BLTP3A: variants seen among roughly 807,000 people sequenced by gnomAD.
The protein encoded by BLTP3A is bridge-like lipid transfer protein family member 3A.
chr6:34,831,029 G>A, the BLTP3A span, among the ~76,000 whole-genome samples: 9,895 of 152,014 alleles, frequency 0.065, 538 homozygotes, highest in East Asian at 0.33. Flanking sequence ...TTAATTTGTA[G>A]AAGTTCTTTA....
the BLTP3A span, chr6:34,859,392 G>T: frequency 6.2e-7 from 1 of 1,614,066 alleles, no homozygotes; most frequent in Non-Finnish European, 8.5e-7. Flanking sequence ...TCCCCTTGAA[G>T]AACATTGAGG....
the BLTP3A span, among the ~76,000 whole-genome samples, chr6:34,812,154 C>T: frequency 6.6e-6 from 1 of 151,952 alleles, no homozygotes; most frequent in African/African-American, 2.4e-5. Flanking sequence ...CATGGTGAAA[C>T]CCCATGTCTA....
the BLTP3A span, among the ~76,000 whole-genome samples, chr6:34,854,372 T>G: frequency 1.3e-5 from 2 of 152,098 alleles, no homozygotes; most frequent in African/African-American, 4.8e-5. Flanking sequence ...TATACATAAA[T>G]AAAACTAAAA....
chr6:34,842,642 A>AT, the BLTP3A span, among the ~76,000 whole-genome samples: 1,331 of 149,710 alleles, frequency 8.9e-3, 17 homozygotes, highest in African/African-American at 0.029. Context: ...CAGGAGTTCT[A>AT]TTTTTTTTTT....
the BLTP3A span, among the ~76,000 whole-genome samples, chr6:34,839,022 G>A: frequency 1.1e-4 from 16 of 152,148 alleles, no homozygotes; most frequent in Admixed American, 3.9e-4. Flanking sequence ...AGGCCAAGGC[G>A]GGTGGATCAC....
At chr6:34,865,475 G>A in the BLTP3A span, among the ~76,000 whole-genome samples, 1 of 152,166 alleles carries the variant, frequency 6.6e-6, no homozygotes, top group Non-Finnish European at 1.5e-5. Context: ...CCATAACTTG[G>A]CTGTTGTGAA....
chr6:34,838,079 C>T, the BLTP3A span, among the ~76,000 whole-genome samples: 1 of 152,146 alleles, frequency 6.6e-6, no homozygotes, highest in East Asian at 1.9e-4. Context: ...CTATATTGAT[C>T]TTTTTGGTGG....
At chr6:34,856,877 G>A in the BLTP3A span, 12 of 1,614,018 alleles carry the variant, frequency 7.4e-6, no homozygotes, top group African/African-American at 5.3e-5. Context: ...GCATGGAACC[G>A]CTTACGCTCT....
the BLTP3A span, among the ~76,000 whole-genome samples, chr6:34,831,609 C>T: frequency 6.6e-6 from 1 of 152,070 alleles, no homozygotes; most frequent in Non-Finnish European, 1.5e-5. Flanking sequence ...TGGCTTTTAA[C>T]ATTTGAATCT....
At chr6:34,824,201 A>G in the BLTP3A span, among the ~76,000 whole-genome samples, 1 of 152,224 alleles carries the variant, frequency 6.6e-6, no homozygotes, top group South Asian at 2.1e-4. Flanking sequence ...TCTTTAACAG[A>G]CAAGGCCTGG....
chr6:34,840,391 T>TAAAA, the BLTP3A span, among the ~76,000 whole-genome samples: 50 of 123,536 alleles, frequency 4.0e-4, no homozygotes, highest in East Asian at 2.9e-3. Flanking sequence ...CGTCTCTACT[T>TAAAA]AAAAAAAAAA....
chr6:34,863,365 T>C, the BLTP3A span, among the ~76,000 whole-genome samples: 1 of 152,346 alleles, frequency 6.6e-6, no homozygotes, highest in African/African-American at 2.4e-5. Context: ...AAACCTATGC[T>C]TCAGCTGGGC....
chr6:34,823,269 G>A, the BLTP3A span: 1 of 1,614,070 alleles, frequency 6.2e-7, no homozygotes, highest in African/African-American at 1.3e-5. Flanking sequence ...TCTGGATAAG[G>A]TAGAGGTGGA....
At chr6:34,803,108 C>T in the BLTP3A span, among the ~76,000 whole-genome samples, 6 of 151,846 alleles carry the variant, frequency 4.0e-5, no homozygotes, top group Admixed American at 3.3e-4. Flanking sequence ...TTGCTTGAGC[C>T]GGGAGGTCAA....
chr6:34,821,006 G>C, the BLTP3A span, among the ~76,000 whole-genome samples: 1 of 149,034 alleles, frequency 6.7e-6, no homozygotes, highest in South Asian at 2.1e-4. Flanking sequence ...GCCCAGGCTG[G>C]AGTGCAATGG....
At chr6:34,868,137 T>C in the BLTP3A span, among the ~76,000 whole-genome samples, 5 of 150,998 alleles carry the variant, frequency 3.3e-5, no homozygotes, top group African/African-American at 1.2e-4. Context: ...TAAAACGCTG[T>C]CTCTACTAAA....
chr6:34,813,224 C>A, the BLTP3A span, among the ~76,000 whole-genome samples: 6 of 152,096 alleles, frequency 3.9e-5, no homozygotes, highest in Non-Finnish European at 2.9e-5. Flanking sequence ...GGGTTAAGTC[C>A]CATTTCTGTT....
the BLTP3A span, chr6:34,856,342 G>T: frequency 6.2e-7 from 1 of 1,614,190 alleles, no homozygotes; most frequent in South Asian, 1.1e-5. Context: ...TGGAGAAGTG[G>T]CATGAAGAGA....
the BLTP3A span, among the ~76,000 whole-genome samples, chr6:34,870,622 A>G: frequency 2.0e-5 from 3 of 152,328 alleles, no homozygotes; most frequent in Admixed American, 6.5e-5. Context: ...AAGGCATTAT[A>G]GCAAAGTATC....
Sources: allele counts gnomAD v4.1 joint callset (sites outside exome capture counted in the v4.1 genomes callset), GRCh38; gene constraint gnomAD v4.1.1; transcripts MANE v1.5; gene names NCBI Gene and HGNC (gene_info 2026-07-23, HGNC 2026-07-21).